CDH10: variants seen among roughly 807,000 people sequenced by gnomAD.
CDH10 encodes cadherin 10, also known as cadherin-10.
A neutral mutation model predicts 73.1 loss-of-function variants in CDH10; 30 were observed. That is an observed-to-expected ratio of 0.41 (90% CI 0.31 to 0.56). CDH10 has a LOEUF of 0.56. CDH10 is among the 20% of genes least tolerant of loss of function. CDH10 has a pLI of 0.27. For missense variants in CDH10, 815 were observed against 973.7 expected (o/e 0.84, Z 2.17); for synonymous variants, 345 against 348.2 (o/e 0.99, Z 0.10).
intron 1 of CDH10, among the ~76,000 whole-genome samples, chr5:24,631,533 C>T (rs1057144735): frequency 6.6e-6 from 1 of 152,010 alleles, no homozygotes; most frequent in South Asian, 2.1e-4. Context: ...GCCATGCCTC[C>T]TGGCTCATCA....
chr5:24,611,052 T>C (rs995279374), intron 1 of CDH10, among the ~76,000 whole-genome samples: 1 of 152,216 alleles, frequency 6.6e-6, no homozygotes, highest in Non-Finnish European at 1.5e-5. Context: ...ATATTATTTG[T>C]TGCTCCAGGA....
intron 2 of CDH10, among the ~76,000 whole-genome samples, chr5:24,548,825 C>CA (rs1162760520): frequency 1.3e-5 from 2 of 151,400 alleles, no homozygotes; most frequent in African/African-American, 2.4e-5. Context: ...ACTATACATG[C>CA]AAAAAAGCAC....
At chr5:24,639,155 A>C (rs1579495677) in intron 1 of CDH10, among the ~76,000 whole-genome samples, 1 of 151,796 alleles carries the variant, frequency 6.6e-6, no homozygotes, top group East Asian at 1.9e-4. Flanking sequence ...TTACCTTTAG[A>C]AGACAAATTA....
At chr5:24,641,281 T>C (rs1748041975) in intron 1 of CDH10, among the ~76,000 whole-genome samples, 1 of 151,974 alleles carries the variant, frequency 6.6e-6, no homozygotes, top group Admixed American at 6.6e-5. Context: ...GAGCTGATAT[T>C]GTTATCTTAG....
intron 1 of CDH10, among the ~76,000 whole-genome samples, chr5:24,603,456 T>A (rs1746640656): frequency 6.6e-6 from 1 of 152,162 alleles, no homozygotes; most frequent in African/African-American, 2.4e-5. Context: ...TATTAGCAAG[T>A]GGAAGCAATA....
chr5:24,570,737 A>G (rs1197581183), intron 2 of CDH10, among the ~76,000 whole-genome samples: 1 of 152,084 alleles, frequency 6.6e-6, no homozygotes, highest in Non-Finnish European at 1.5e-5. Flanking sequence ...TCTGTATGAA[A>G]TATAAAGAAA....
chr5:24,498,636 C>G, intron 8 of CDH10, 117 bp from the exon 9 acceptor site: 2 of 661,290 alleles, frequency 3.0e-6, no homozygotes, highest in Admixed American at 2.5e-5. Context: ...TGCAATCATT[C>G]TACTAATATA....
At chr5:24,542,378 C>G (rs1325253604) in intron 2 of CDH10, among the ~76,000 whole-genome samples, 1 of 152,076 alleles carries the variant, frequency 6.6e-6, no homozygotes, top group Non-Finnish European at 1.5e-5. Flanking sequence ...CAACAGCAGT[C>G]CCATAAGTTT....
In CDH10 at chr5:24,617,248, C is replaced by T. The variant is rs749401862; in HGVS notation, c.-123-23635G>A. Among the ~76,000 whole-genome samples the T allele has an allele frequency of 5.1e-4, 77 of 152,020 alleles. 1 individual carries two copies. Among genetic ancestry groups the T allele is most frequent in the Non-Finnish European group, 9.3e-4 (63 of 68,030 alleles). On this transcript the variant is annotated intron_variant, in intron 1 of 11. Transcript: ENST00000264463. ...CAATGCACCCCTCCTGCTTTTGCCC[C>T]GATCACGGCAGACAAAAAAATGTCT...
intron 3 of CDH10, 55 bp from the exon 4 acceptor site, chr5:24,535,877 G>A (rs1212240327): frequency 1.4e-6 from 2 of 1,381,378 alleles, no homozygotes; most frequent in South Asian, 1.6e-5. Flanking sequence ...AGGAGCAAAA[G>A]CACTGGTTTT....
At chr5:24,609,528 A>ATG (rs1281996632) in intron 1 of CDH10, among the ~76,000 whole-genome samples, 1 of 152,216 alleles carries the variant, frequency 6.6e-6, no homozygotes, top group Non-Finnish European at 1.5e-5. Flanking sequence ...GCAGGAGATT[A>ATG]TGACAGGACA....
intron 2 of CDH10, among the ~76,000 whole-genome samples, chr5:24,584,121 T>G (rs1745897572): frequency 6.6e-6 from 1 of 152,172 alleles, no homozygotes; most frequent in Admixed American, 6.5e-5. Flanking sequence ...AACTACCTCA[T>G]GAGGTTGTTG....
intron 2 of CDH10, among the ~76,000 whole-genome samples, chr5:24,550,749 C>T (rs1744513857): frequency 6.6e-6 from 1 of 152,124 alleles, no homozygotes; most frequent in South Asian, 2.1e-4. Flanking sequence ...GATAATCAAG[C>T]CAATTTTTCA....
chr5:24,514,784 A>G (rs553244994), intron 5 of CDH10, among the ~76,000 whole-genome samples: 1 of 152,292 alleles, frequency 6.6e-6, no homozygotes, highest in South Asian at 2.1e-4. Context: ...ATGCAGCCAC[A>G]ATATTTTTTT....
chr5:24,491,268 C>T (rs1377593594), intron 11 of CDH10, among the ~76,000 whole-genome samples: 8 of 152,110 alleles, frequency 5.3e-5, no homozygotes, highest in Non-Finnish European at 1.0e-4. Context: ...ATTGTTCTTG[C>T]TTTTTCCTTT....
At position 24,569,291 on chromosome 5, in the gene CDH10, T is replaced by C. The variant is rs541928200; in HGVS notation, c.231+23969A>G. Among the ~76,000 whole-genome samples the C allele has an allele frequency of 7.2e-5, 11 of 152,216 alleles. No individual in the cohort carries two copies. In the East Asian group the frequency reaches 2.1e-3, roughly 29 times the overall value. ...ATCGTTTAATTTGTATCATTTGAAA[T>C]GATAAAAATATTCTAGATAGTAATG... On this transcript the variant is annotated intron_variant, in intron 2 of 11. Coordinates refer to ENST00000264463, the MANE Select transcript of CDH10 (RefSeq NM_006727.5).
intron 10 of CDH10, among the ~76,000 whole-genome samples, chr5:24,492,527 G>A (rs1000160486): frequency 2.0e-5 from 3 of 152,012 alleles, no homozygotes; most frequent in African/African-American, 7.2e-5. Context: ...TACCCTATGT[G>A]TCCTATATTA....
intron 8 of CDH10, among the ~76,000 whole-genome samples, chr5:24,504,540 T>TAAGATGGAA (rs1742623754): frequency 1.1e-5 from 1 of 91,956 alleles, no homozygotes; most frequent in African/African-American, 4.4e-5. Flanking sequence ...TTTTTTTTTT[T>TAAGATGGAA]TTTAAGATGG....
rs915439073 is a variant in CDH10, at chr5:24,625,171, T to G, written c.-124+19423A>C. On this transcript the variant is annotated intron_variant, in intron 1 of 11. Transcript: ENST00000264463. ...GAAAATATAATAGGTTCATAAAAGG[T>G]TTAGATAAAAAACATGCAATAAATC... Among the ~76,000 whole-genome samples, 4 of 152,080 alleles carry G rather than the reference T, an allele frequency of 2.6e-5. No individual in the cohort carries two copies. The South Asian group carries it at 6.2e-4, about 24-fold the overall frequency.
Sources: gnomAD v4.1 joint callset for allele counts (sites outside exome capture counted in the v4.1 genomes callset) on GRCh38, gnomAD v4.1.1 for gene constraint, MANE v1.5 for transcripts, NCBI Gene and HGNC (gene_info 2026-07-23, HGNC 2026-07-21) for gene names.